The following ROBO2 variants were observed in gnomAD, a reference collection of about 807,000 sequenced individuals.
ROBO2 encodes the protein roundabout guidance receptor 2.
In ROBO2, 53 loss-of-function variants were observed where a neutral mutation model predicts 160.8. That is an observed-to-expected ratio of 0.33 (90% CI 0.26 to 0.41). ROBO2 has a LOEUF of 0.41. Ranked by LOEUF, ROBO2 falls within the 10% of genes least tolerant of loss-of-function variation. The pLI is 1.00. For synonymous variants in ROBO2, 664 were observed against 611.7 expected, an observed-to-expected ratio of 1.09 and a Z score of -1.26; for missense variants, 1,577 against 1,722.4, an observed-to-expected ratio of 0.92 and a Z score of 1.49.
chr3:77,550,159 T>C (rs936950456), intron 7 of ROBO2, among the ~76,000 whole-genome samples: 9 of 152,128 alleles, frequency 5.9e-5, no homozygotes, highest in Admixed American at 3.9e-4. Context: ...TATTATGAAA[T>C]TGTTTAAGGT....
At chr3:75,978,353 C>T (rs563307063) in intron 2 of ROBO2, among the ~76,000 whole-genome samples, 51 of 151,506 alleles carry the variant, frequency 3.4e-4, no homozygotes, top group African/African-American at 1.2e-3. Context: ...TAAGGTTTAG[C>T]TATTATTTTA....
chr3:77,633,246 G>T (rs1202982277), intron 23 of ROBO2: 1 of 152,098 alleles, frequency 6.6e-6, no homozygotes, highest in African/African-American at 2.4e-5. Context: ...TTTGCAAGTT[G>T]AATAAAATAA....
intron 2 of ROBO2, among the ~76,000 whole-genome samples, chr3:76,948,990 ATC>A (rs1462412321): frequency 1.4e-5 from 2 of 139,146 alleles, no homozygotes; most frequent in African/African-American, 5.5e-5. Flanking sequence ...ACCTGAGGTG[ATC>A]CACCCGCCTC....
intron 2 of ROBO2, among the ~76,000 whole-genome samples, chr3:76,107,946 A>T (rs934759375): frequency 1.3e-5 from 2 of 152,108 alleles, no homozygotes; most frequent in African/African-American, 4.8e-5. Flanking sequence ...ATGTGAAGGC[A>T]TATTAGCTGT....
intron 2 of ROBO2, among the ~76,000 whole-genome samples, chr3:76,222,584 C>G (rs4856022): frequency 0.043 from 6,552 of 151,002 alleles, 390 homozygotes; most frequent in East Asian, 0.22. Flanking sequence ...CCAATTATTA[C>G]TTTAGAAAGA....
At chr3:77,023,391 G>A (rs934822117) in intron 2 of ROBO2, among the ~76,000 whole-genome samples, 8 of 152,070 alleles carry the variant, frequency 5.3e-5, no homozygotes, top group South Asian at 2.1e-4. Flanking sequence ...CTAATACAAT[G>A]TTTGTCCTTT....
intron 2 of ROBO2, among the ~76,000 whole-genome samples, chr3:76,213,122 A>T (rs1703257188): frequency 1.3e-5 from 2 of 152,122 alleles, no homozygotes; most frequent in African/African-American, 4.8e-5. Flanking sequence ...ATAGGGAAAG[A>T]TGGGTAGAAT....
At chr3:77,225,038 G>C (rs1292660104) in intron 2 of ROBO2, among the ~76,000 whole-genome samples, 1 of 151,706 alleles carries the variant, frequency 6.6e-6, no homozygotes. Context: ...TTAGAAAAAA[G>C]TAGCATAATG....
chr3:76,459,992 A>G (rs1471202936), intron 2 of ROBO2, among the ~76,000 whole-genome samples: 1 of 152,170 alleles, frequency 6.6e-6, no homozygotes, highest in East Asian at 1.9e-4. Context: ...ATGTAAGAAT[A>G]TTACTATTAA....
chr3:76,974,991 C>T (rs2059744216), intron 2 of ROBO2, among the ~76,000 whole-genome samples: 1 of 152,094 alleles, frequency 6.6e-6, no homozygotes, highest in African/African-American at 2.4e-5. Context: ...AATAATAATA[C>T]ACTCTATGAT....
At chr3:76,900,476 T>A (rs1250447525) in intron 2 of ROBO2, among the ~76,000 whole-genome samples, 1 of 152,132 alleles carries the variant, frequency 6.6e-6, no homozygotes, top group African/African-American at 2.4e-5. Flanking sequence ...ATAAAAGTAT[T>A]TTCAATGTGC....
chr3:77,240,187 A>G (rs2151360251), intron 2 of ROBO2, among the ~76,000 whole-genome samples: 1 of 152,210 alleles, frequency 6.6e-6, no homozygotes, highest in South Asian at 2.1e-4. Context: ...AGCCCACCAC[A>G]GTGGCACTCG....
At chr3:77,426,110 G>A (rs562783391) in intron 2 of ROBO2, among the ~76,000 whole-genome samples, 5 of 152,214 alleles carry the variant, frequency 3.3e-5, no homozygotes, top group African/African-American at 1.2e-4. Context: ...GGAATGTCAC[G>A]TTAAAGGTCG....
At chr3:76,957,844 A>AAT (rs2079386797) in intron 2 of ROBO2, among the ~76,000 whole-genome samples, 1 of 152,018 alleles carries the variant, frequency 6.6e-6, no homozygotes, top group African/African-American at 2.4e-5. Context: ...AAAAAAAAAA[A>AAT]AGTGATAAAA....
intron 2 of ROBO2, among the ~76,000 whole-genome samples, chr3:76,346,840 T>A (rs112811382): frequency 6.6e-6 from 1 of 152,120 alleles, no homozygotes; most frequent in East Asian, 1.9e-4. Context: ...GAAAGCAAAA[T>A]AAATTACTCT....
intron 2 of ROBO2, among the ~76,000 whole-genome samples, chr3:76,446,559 C>A (rs1398166920): frequency 1.3e-5 from 2 of 152,022 alleles, no homozygotes; most frequent in African/African-American, 2.4e-5. Context: ...TCACGTGGAA[C>A]CAAAAAAGAG....
At chr3:76,212,495 A>G (rs1355413916) in intron 2 of ROBO2, among the ~76,000 whole-genome samples, 1 of 152,098 alleles carries the variant, frequency 6.6e-6, no homozygotes, top group African/African-American at 2.4e-5. Flanking sequence ...GAGGAAACTA[A>G]AAACTTAATG....
intron 2 of ROBO2, among the ~76,000 whole-genome samples, chr3:76,407,198 T>G (rs781582554): frequency 3.3e-5 from 5 of 151,936 alleles, no homozygotes; most frequent in Admixed American, 6.6e-5. Context: ...TCAGGTCTCA[T>G]TTTACATTTT....
At chr3:77,387,383 A>G (rs567168648) in intron 2 of ROBO2, among the ~76,000 whole-genome samples, 1 of 152,002 alleles carries the variant, frequency 6.6e-6, no homozygotes, top group South Asian at 2.1e-4. Flanking sequence ...AGAAGAAAAA[A>G]AGAACATCTA....
Sources: allele counts gnomAD v4.1 joint callset (sites outside exome capture counted in the v4.1 genomes callset), GRCh38; gene constraint gnomAD v4.1.1; transcripts MANE v1.5; gene names NCBI Gene and HGNC (gene_info 2026-07-23, HGNC 2026-07-21).